UBE2O: variants seen among roughly 807,000 people sequenced by gnomAD.
UBE2O encodes the protein (E3-independent) E2 ubiquitin-conjugating enzyme.
In UBE2O, 15 loss-of-function variants were observed where a neutral mutation model predicts 125.8. The observed-to-expected ratio is 0.12, with a 90% CI of 0.08 to 0.18. UBE2O has a LOEUF of 0.18. UBE2O is among the 10% of genes least tolerant of loss of function. The probability of loss-of-function intolerance (pLI) is 1.00; values close to 1 mark genes in which losing one functional copy is unlikely to be tolerated. For missense variants in UBE2O, 1,280 were observed against 1,723.6 expected (o/e 0.74, Z 4.56); for synonymous variants, 708 against 703.2 (o/e 1.01, Z -0.11).
rs140055538 is a variant in UBE2O, at chr17:76,407,727, G to T, written c.418-2155C>A. On this transcript the variant is annotated intron_variant, in intron 1 of 17. Coordinates refer to ENST00000319380, the MANE Select transcript of UBE2O (RefSeq NM_022066.4). Reference sequence around the variant, plus strand: ...AGAAAAAAACAGCTGGTGAAAGCTGGCATCATGGCAAGGCCAGAGGCTGGC... The same window carrying T: ...AGAAAAAAACAGCTGGTGAAAGCTGTCATCATGGCAAGGCCAGAGGCTGGC... 2.8e-3 allele frequency among the ~76,000 whole-genome samples: 429 copies of T among 152,356 alleles called. 6 individuals carry two copies. Among genetic ancestry groups the T allele is most frequent in the Non-Finnish European group, 2.0e-3 (137 of 68,034 alleles).
rs932883924 is a variant in UBE2O at position 76,402,994 on chromosome 17, T to C, written c.589-295A>G. On this transcript the variant is annotated intron_variant, in intron 3 of 17. Coordinates refer to ENST00000319380, the MANE Select transcript of UBE2O (RefSeq NM_022066.4). This position sits in a 1 kb window ranked among gnomAD's most constrained non-coding sequence, Gnocchi z 5.4. Reference sequence around the variant, plus strand: ...AGAGGCCTGATGGCATCCATGGACATGGGACATCCATGGACACAGGACACC... The same window carrying C: ...AGAGGCCTGATGGCATCCATGGACACGGGACATCCATGGACACAGGACACC... 6.6e-6 allele frequency among the ~76,000 whole-genome samples: 1 copy of C among 152,052 alleles called. No individual in the cohort carries two copies. Among genetic ancestry groups the C allele is most frequent in the Admixed American group, 6.5e-5 (1 of 15,270 alleles).
intron 1 of UBE2O, among the ~76,000 whole-genome samples, chr17:76,412,464 G>A (rs1184347376): frequency 1.3e-5 from 2 of 152,058 alleles, no homozygotes; most frequent in Admixed American, 1.3e-4. Context: ...GAGTGAACTT[G>A]ACAGTGGCCA....
intron 1 of UBE2O, among the ~76,000 whole-genome samples, chr17:76,424,057 G>A (rs923450056): frequency 2.6e-5 from 4 of 151,664 alleles, no homozygotes; most frequent in Non-Finnish European, 5.9e-5. Flanking sequence ...ACAGGCCCCC[G>A]CCACCATGCC....
rs2072379682 is a variant in UBE2O at position 76,404,251 on chromosome 17, T to A, written c.588+955A>T. Among the ~76,000 whole-genome samples the A allele has an allele frequency of 6.6e-6, 1 of 151,966 alleles. No homozygotes were observed. Among genetic ancestry groups the A allele is most frequent in the African/African-American group, 2.4e-5 (1 of 41,346 alleles). ...ACAATCACTTAAAGGGGGTAAATGG[T>A]GAGTTTATGGTGGAGAGACCTGGTG... On this transcript the variant is annotated intron_variant, in intron 3 of 17. Coordinates refer to ENST00000319380, the MANE Select transcript of UBE2O (RefSeq NM_022066.4). This position sits in a 1 kb window ranked among gnomAD's most constrained non-coding sequence, Gnocchi z 4.3.
intron 1 of UBE2O, among the ~76,000 whole-genome samples, chr17:76,445,003 A>G (rs965770365): frequency 3.3e-5 from 5 of 152,192 alleles, no homozygotes; most frequent in East Asian, 1.9e-4. Context: ...CGGTCAAGGT[A>G]TCTATCTTCA....
chr17:76,405,405 C>G lies in UBE2O; in HGVS notation c.478-89G>C. 6.7e-7 allele frequency: 1 copy of G among 1,503,646 alleles called. No individual in the cohort carries two copies. Among genetic ancestry groups the G allele is most frequent in the South Asian group, 1.2e-5 (1 of 85,404 alleles). The allele number at this position is 1,503,646 out of a possible 1,614,324, so 93.1% of individuals were successfully genotyped here. ...AGCCCAGGCAACCCCAGCGCACCCCCTGCAGAGCTGGCCAGTTCTCCCACA... is the reference window on the plus strand; with the variant it reads ...AGCCCAGGCAACCCCAGCGCACCCCGTGCAGAGCTGGCCAGTTCTCCCACA... On this transcript the variant is annotated intron_variant, in intron 2 of 17. Coordinates refer to ENST00000319380, the MANE Select transcript of UBE2O (RefSeq NM_022066.4). This position sits in a 1 kb window ranked among gnomAD's most constrained non-coding sequence, Gnocchi z 6.1.
chr17:76,421,246 G>A (rs528570105), intron 1 of UBE2O, among the ~76,000 whole-genome samples: 25 of 152,294 alleles, frequency 1.6e-4, no homozygotes, highest in Non-Finnish European at 3.4e-4. Context: ...AAGAAGTGAC[G>A]GCCTGCTGTC....
At chr17:76,401,272 C>A in intron 5 of UBE2O, 118 bp from the exon 6 acceptor site, 2 of 1,225,906 alleles carry the variant, frequency 1.6e-6, no homozygotes, top group South Asian at 1.5e-5. Flanking sequence ...CACACACGCC[C>A]CACACGCCCT....
At chr17:76,449,877 G>A (rs1327399578) in intron 1 of UBE2O, among the ~76,000 whole-genome samples, 13 of 152,088 alleles carry the variant, frequency 8.5e-5, no homozygotes, top group Admixed American at 7.9e-4. Flanking sequence ...CCGAGCTGGC[G>A]CCATTGCACT....
At chr17:76,416,138 T>C (rs72858198) in intron 1 of UBE2O, among the ~76,000 whole-genome samples, 23,460 of 151,600 alleles carry the variant, frequency 0.15, 2,144 homozygotes, top group East Asian at 0.4. Context: ...TGTGCGTGTA[T>C]AGATATATAA....
At chr17:76,397,731 C>A (rs900327942) in intron 13 of UBE2O, 68 bp downstream of exon 13, 5 of 1,486,226 alleles carry the variant, frequency 3.4e-6, no homozygotes, top group Non-Finnish European at 4.7e-6. Context: ...TCTGGCTACA[C>A]GCCTGTGGCC....
intron 1 of UBE2O, among the ~76,000 whole-genome samples, chr17:76,422,194 A>C (rs1346146136): frequency 6.6e-6 from 1 of 152,140 alleles, no homozygotes; most frequent in Non-Finnish European, 1.5e-5. Flanking sequence ...GCTCCCAACT[A>C]TTTCAGTCAC....
intron 12 of UBE2O, 28 bp from the exon 13 acceptor site, chr17:76,397,916 G>A (rs762842083): frequency 5.0e-5 from 80 of 1,611,468 alleles, no homozygotes; most frequent in Non-Finnish European, 1.0e-5. Context: ...CAAAGTCAGG[G>A]GGCCCAGCTC....
At chr17:76,439,983 A>C (rs763342762) in intron 1 of UBE2O, among the ~76,000 whole-genome samples, 47 of 152,160 alleles carry the variant, frequency 3.1e-4, no homozygotes, top group Non-Finnish European at 5.0e-4. Context: ...TCACTAAACA[A>C]ATCTCTCCTA....
Position 76,402,762 on chromosome 17 carries a change from A to G in UBE2O, c.589-63T>C, listed in dbSNP as rs1379628410. 16 of 1,363,718 alleles carry G rather than the reference A, an allele frequency of 1.2e-5. No individual in the cohort carries two copies. Among genetic ancestry groups the G allele is most frequent in the Non-Finnish European group, 1.7e-5 (16 of 952,476 alleles). The allele number at this position is 1,363,718 out of a possible 1,614,324, so 84.5% of individuals were successfully genotyped here. A position where few individuals can be genotyped will look rare whatever the true frequency, so the allele number is the denominator to read the frequency against. On this transcript the variant is annotated intron_variant, in intron 3 of 17. Coordinates refer to ENST00000319380, the MANE Select transcript of UBE2O (RefSeq NM_022066.4). The surrounding 1 kb of genome is among the most constrained non-coding windows in gnomAD (Gnocchi z 5.4). Reference sequence around the variant, plus strand: ...GACAACGTTCATGTCCAGGGCACAGATTCCTCTATGCCCCACCGAAGACAG... The same window carrying G: ...GACAACGTTCATGTCCAGGGCACAGGTTCCTCTATGCCCCACCGAAGACAG...
chr17:76,410,732 G>A lies in UBE2O; in HGVS notation c.418-5160C>T, dbSNP rs1021645539. Among the ~76,000 whole-genome samples, 5 of 145,472 alleles carry A rather than the reference G, an allele frequency of 3.4e-5. No individual in the cohort carries two copies. Among genetic ancestry groups the A allele is most frequent in the African/African-American group, 7.7e-5 (3 of 38,780 alleles). On this transcript the variant is annotated intron_variant, in intron 1 of 17. Coordinates refer to ENST00000319380, the MANE Select transcript of UBE2O (RefSeq NM_022066.4). The surrounding 1 kb of genome is among the most constrained non-coding windows in gnomAD (Gnocchi z 4.0). Reference sequence around the variant, plus strand: ...TCAGAGCAGGCATTCAGGAGCCGGGGAAGCTCACCGGGGGCCTCTCCTGCC... The same window carrying A: ...TCAGAGCAGGCATTCAGGAGCCGGGAAAGCTCACCGGGGGCCTCTCCTGCC...
At chr17:76,394,146 G>A (rs773337986) in intron 15 of UBE2O, among the ~76,000 whole-genome samples, 1 of 152,242 alleles carries the variant, frequency 6.6e-6, no homozygotes, top group African/African-American at 2.4e-5. Context: ...GCTACTCCGG[G>A]CCCATCTCAA....
Position 76,397,964 on chromosome 17 carries a change from G to T in UBE2O, c.2026-76C>A. On this transcript the variant is annotated intron_variant, in intron 12 of 17. Transcript: ENST00000319380. ...CCCAGCCCCTCCTGTGCTCTGCAGT[G>T]ACTGACATCATGCCCACCTGGCTTG... 3 of 1,486,228 alleles carry T rather than the reference G, an allele frequency of 2.0e-6. No individual in the cohort carries two copies. The South Asian group carries it at 3.4e-5, about 17-fold the overall frequency. The allele number at this position is 1,486,228 out of a possible 1,614,324, so 92.1% of individuals were successfully genotyped here. A position where few individuals can be genotyped will look rare whatever the true frequency, so the allele number is the denominator to read the frequency against.
In UBE2O at chr17:76,393,288, T is replaced by C. The variant is rs552826233; in HGVS notation, c.2947-1175A>G. On this transcript the variant is annotated intron_variant, in intron 15 of 17. Coordinates refer to ENST00000319380, the MANE Select transcript of UBE2O (RefSeq NM_022066.4). ...TTTTGGCTTATGTGTTTTTTTGAGA[T>C]GGAGTATAGCTCTGTCCCCAGGCTG... Among the ~76,000 whole-genome samples the C allele has an allele frequency of 2.3e-4, 8 of 34,852 alleles. No homozygotes were observed. In the East Asian group the frequency reaches 8.5e-3, roughly 37 times the overall value. The allele number at this position is 34,852 out of a possible 152,430, so 22.9% of individuals were successfully genotyped here. A position where few individuals can be genotyped will look rare whatever the true frequency, so the allele number is the denominator to read the frequency against.
Sources: gnomAD v4.1 joint callset for allele counts (sites outside exome capture counted in the v4.1 genomes callset) on GRCh38, gnomAD v4.1.1 for gene constraint, Gnocchi (gnomAD v3.1) non-coding constraint, MANE v1.5 for transcripts, NCBI Gene and HGNC (gene_info 2026-07-23, HGNC 2026-07-21) for gene names.